The following PCDHA1 variants were observed in gnomAD, a reference collection of about 807,000 sequenced individuals.
PCDHA1 encodes protocadherin alpha-1.
Under a neutral mutation model 61.3 loss-of-function variants are expected in PCDHA1, and 42 were observed. The ratio of observed to expected loss-of-function variants is 0.69; its 90% CI spans 0.54 to 0.89. The LOEUF (loss-of-function observed/expected upper bound fraction) is 0.89. Among genes scored for constraint, PCDHA1 ranks in the 40% least tolerant of loss-of-function variants. The pLI is 0.00. For synonymous variants in PCDHA1, 610 were observed against 553.8 expected (o/e 1.10, Z -1.43); for missense variants, 1,256 against 1,235.3 (o/e 1.02, Z -0.25).
At chr5:140,802,322 C>G in intron 1 of PCDHA1, 2 of 1,614,220 alleles carry the variant, frequency 1.2e-6, no homozygotes, top group South Asian at 1.1e-5. Flanking sequence ...TCAGCGTGTC[C>G]GACCGCGACT....
At position 140,796,816 on chromosome 5, in the gene PCDHA1, G is replaced by A. The variant is rs782509295; in HGVS notation, c.2394+8132G>A. The A allele has an allele frequency of 6.2e-6, 10 of 1,614,004 alleles. No homozygotes were observed. In the Admixed American group the frequency reaches 1.3e-4, roughly 22 times the overall value. On this transcript the variant is annotated intron_variant, in intron 1 of 3. Coordinates refer to ENST00000504120, the MANE Select transcript of PCDHA1 (RefSeq NM_018900.4). ...CGAGCTTCAGCTGGGTACTGGCAGC[G>A]CTCGCATCCCGTTCCGCGTGGGGCT... is the stretch of plus-strand genomic sequence containing the variant.
intron 1 of PCDHA1, chr5:140,927,232 G>A (rs1554204208): frequency 6.2e-7 from 1 of 1,614,104 alleles, no homozygotes; most frequent in African/African-American, 1.3e-5. Flanking sequence ...TCGGATTCAC[G>A]TCCTGGACAC....
chr5:140,796,836 GGGGCTATACAC>G (rs1379808428), intron 1 of PCDHA1: 4 of 1,613,994 alleles, frequency 2.5e-6, no homozygotes, highest in Non-Finnish European at 3.4e-6. Flanking sequence ...CGTTCCGCGT[GGGGCTATACAC>G]GGGTGAGATC....
chr5:140,876,726 G>T, intron 1 of PCDHA1: 1 of 1,614,264 alleles, frequency 6.2e-7, no homozygotes, highest in African/African-American at 1.3e-5. Context: ...GCGAGAGCGT[G>T]TCGGCCTATG....
intron 1 of PCDHA1, among the ~76,000 whole-genome samples, chr5:140,975,053 A>G (rs2096651589): frequency 1.3e-5 from 2 of 152,144 alleles, no homozygotes; most frequent in Admixed American, 6.5e-5. Flanking sequence ...GGAAGAATCT[A>G]CTATCGAGCT....
rs2150170274 is a variant in PCDHA1, at chr5:140,829,569, C to A, written c.2394+40885C>A. The A allele has an allele frequency of 3.7e-6, 6 of 1,612,484 alleles. No homozygotes were observed. The African/African-American group carries it at 4.0e-5, about 11-fold the overall frequency. ...CAGGAGAACGCGCTGGTGTCCTACT[C>A]GCTGGTGGAGCGGCGGGTGGGCGAG... On this transcript the variant is annotated intron_variant, in intron 1 of 3. Transcript: ENST00000504120.
chr5:140,861,571 A>C, intron 1 of PCDHA1: 1 of 372,012 alleles, frequency 2.7e-6, no homozygotes, highest in Non-Finnish European at 5.6e-6. Context: ...AAGCTGCTAC[A>C]GGTTTTCCAT....
chr5:140,876,759 T>A, intron 1 of PCDHA1: 1 of 1,614,146 alleles, frequency 6.2e-7, no homozygotes, highest in Non-Finnish European at 8.5e-7. Context: ...CTGCGCGGGA[T>A]GGGGGCTCGC....
chr5:140,870,480 C>T, intron 1 of PCDHA1: 1 of 1,614,236 alleles, frequency 6.2e-7, no homozygotes, highest in Non-Finnish European at 8.5e-7. Context: ...AGCCCGAGTA[C>T]ACCGTGTTCG....
At chr5:140,939,149 C>T (rs2092323339) in intron 1 of PCDHA1, among the ~76,000 whole-genome samples, 1 of 152,124 alleles carries the variant, frequency 6.6e-6, no homozygotes, top group South Asian at 2.1e-4. Flanking sequence ...GATCAAGGTC[C>T]TGGCAGATTT....
intron 1 of PCDHA1, among the ~76,000 whole-genome samples, chr5:140,946,661 G>C (rs2094005923): frequency 7.6e-6 from 1 of 132,422 alleles, no homozygotes; most frequent in Non-Finnish European, 1.6e-5. Flanking sequence ...CCATTAGAAA[G>C]AATGAAATCC....
Position 140,869,285 on chromosome 5 carries a change from A to C in PCDHA1, c.2394+80601A>C, listed in dbSNP as rs201493000. The stretch of plus-strand genomic sequence containing the variant: ...GGGCTGGAGCTGGCGGAGCTGGTGC[A>C]GCGCCTGTTCCGGGTGGCGTCCAAA... On this transcript the variant is annotated intron_variant, in intron 1 of 3. Transcript: ENST00000504120. The C allele has an allele frequency of 2.9e-3, 4,695 of 1,613,540 alleles. 19 individuals carry two copies. Among genetic ancestry groups the C allele is most frequent in the African/African-American group, 9.9e-3 (743 of 75,038 alleles).
chr5:140,823,339 C>T (rs2150124822), intron 1 of PCDHA1: 28 of 1,612,236 alleles, frequency 1.7e-5, no homozygotes, highest in African/African-American at 1.5e-4. Context: ...GCTGCAGCCG[C>T]TGGACCACGA....
At chr5:140,848,742 A>G in intron 1 of PCDHA1, 2 of 1,593,114 alleles carry the variant, frequency 1.3e-6, no homozygotes, top group Admixed American at 3.4e-5. Context: ...GCAGAATGGC[A>G]TTTTGTTTGT....
At position 140,869,505 on chromosome 5, in the gene PCDHA1, G is replaced by A. The variant is rs376431150; in HGVS notation, c.2394+80821G>A. On this transcript the variant is annotated intron_variant, in intron 1 of 3. Coordinates refer to ENST00000504120, the MANE Select transcript of PCDHA1 (RefSeq NM_018900.4). ...TTAACGACAACCCGCCGGTGTTCTCGCTCAGAGAACAAAAGCTGCTGATTG... is the reference window on the plus strand; with the variant it reads ...TTAACGACAACCCGCCGGTGTTCTCACTCAGAGAACAAAAGCTGCTGATTG... 89 of 1,614,192 alleles carry A rather than the reference G, an allele frequency of 5.5e-5. No individual in the cohort carries two copies. In the African/African-American group the frequency reaches 1.1e-3, roughly 19 times the overall value.
intron 1 of PCDHA1, chr5:140,870,541 G>A: frequency 1.2e-6 from 2 of 1,614,136 alleles, no homozygotes; most frequent in Non-Finnish European, 8.5e-7. Flanking sequence ...GTCGGCGCGG[G>A]ACGCGGACGC....
intron 1 of PCDHA1, chr5:140,969,232 C>A (rs138367129): frequency 1.9e-4 from 314 of 1,614,066 alleles, no homozygotes; most frequent in Non-Finnish European, 2.5e-4. Flanking sequence ...CTTCGGGAGC[C>A]CAAGCAGCAG....
intron 1 of PCDHA1, chr5:140,849,159 C>T (rs1554142780): frequency 2.5e-6 from 3 of 1,184,538 alleles, no homozygotes; most frequent in Non-Finnish European, 3.5e-6. Context: ...CAAACCCGAG[C>T]TGACTGGCAC....
intron 1 of PCDHA1, chr5:140,824,078 T>A: frequency 6.2e-7 from 1 of 1,614,194 alleles, no homozygotes; most frequent in South Asian, 1.1e-5. Flanking sequence ...AAAACAGACC[T>A]CATGGCCTTC....
Sources: allele counts gnomAD v4.1 joint callset (sites outside exome capture counted in the v4.1 genomes callset), GRCh38; gene constraint gnomAD v4.1.1; transcripts MANE v1.5; gene names NCBI Gene and HGNC (gene_info 2026-07-23, HGNC 2026-07-21).